MYLK: variants seen among roughly 807,000 people sequenced by gnomAD.
MYLK encodes myosin light chain kinase, also known as myosin light chain kinase, smooth muscle.
In MYLK, 106 loss-of-function variants were observed where a neutral mutation model predicts 203.4. That is an observed-to-expected ratio of 0.52 (90% CI 0.45 to 0.61). The LOEUF is 0.61. MYLK is among the 20% of genes least tolerant of loss of function. The probability of loss-of-function intolerance (pLI) is 0.00; values close to 1 mark genes in which losing one functional copy is unlikely to be tolerated. For missense variants in MYLK, 2,072 were observed against 2,442.3 expected (o/e 0.85, Z 3.20); for synonymous variants, 867 against 959.5 (o/e 0.90, Z 1.78).
intron 3 of MYLK, among the ~76,000 whole-genome samples, chr3:123,810,823 T>C (rs554401542): frequency 6.6e-6 from 1 of 152,366 alleles, no homozygotes; most frequent in East Asian, 1.9e-4. Flanking sequence ...TTCCAGGTTG[T>C]CTGCAGGGCA....
intron 21 of MYLK, 144 bp from the exon 22 acceptor site, chr3:123,666,490 G>A (rs2059739556): frequency 1.7e-6 from 2 of 1,160,286 alleles, no homozygotes; most frequent in Non-Finnish European, 1.2e-6. Context: ...CAGTGATCCT[G>A]CTGCAGGACA....
Position 123,732,996 on chromosome 3 carries a change from G to A in MYLK, c.1416C>T (p.Leu472=), listed in dbSNP as rs1173246419. 1.2e-6 allele frequency: 2 copies of A among 1,614,108 alleles called. No homozygotes were observed. Among genetic ancestry groups the A allele is most frequent in the Non-Finnish European group, 8.5e-7 (1 of 1,180,038 alleles). The part of the protein sequence containing the change: ...EVYEDAGSHY[L]CLLKARTRDS... ...CCCTGGTCCGGGCTTTCAGCAGGCA[G>A]AGGTAATGGGAGCCAGCATCTTCAT... Residue 472 remains leucine (L), a synonymous_variant, in exon 11 of 34, where the codon CTC becomes CTT. Transcript: ENST00000360304.
intron 23 of MYLK, among the ~76,000 whole-genome samples, chr3:123,660,402 A>G (rs905444861): frequency 1.3e-5 from 2 of 152,202 alleles, no homozygotes; most frequent in Non-Finnish European, 2.9e-5. Context: ...ATATGAAAAG[A>G]GACCTGCTTT....
chr3:123,628,163 T>G (rs1178017012), intron 30 of MYLK, among the ~76,000 whole-genome samples: 1 of 152,158 alleles, frequency 6.6e-6, no homozygotes, highest in African/African-American at 2.4e-5. Context: ...TAAAAAGATC[T>G]CATTGTCAAG....
At chr3:123,738,872 G>C (rs1399845634) in intron 7 of MYLK, 25 bp downstream of exon 7, 1 of 1,598,982 alleles carries the variant, frequency 6.3e-7, no homozygotes, top group African/African-American at 1.3e-5. Context: ...GGCTGGATCA[G>C]GGTCAGGGCA....
intron 13 of MYLK, among the ~76,000 whole-genome samples, chr3:123,712,945 A>G (rs2061752975): frequency 6.6e-6 from 1 of 152,274 alleles, no homozygotes; most frequent in African/African-American, 2.4e-5. Context: ...CAAAGAACCA[A>G]TGGAGTCTGG....
intron 16 of MYLK, among the ~76,000 whole-genome samples, chr3:123,703,825 C>T (rs1278466494): frequency 6.6e-6 from 1 of 152,224 alleles, no homozygotes; most frequent in Non-Finnish European, 1.5e-5. Flanking sequence ...GCCTGGCAGC[C>T]CTTTCAGCAT....
chr3:123,661,811 C>T (rs1198044640), intron 23 of MYLK, among the ~76,000 whole-genome samples: 1 of 152,170 alleles, frequency 6.6e-6, no homozygotes, highest in African/African-American at 2.4e-5. Flanking sequence ...TGAATTCCCT[C>T]TCCCGGGTCC....
chr3:123,879,140 A>G (rs2033350627), intron 1 of MYLK, among the ~76,000 whole-genome samples: 1 of 152,142 alleles, frequency 6.6e-6, no homozygotes, highest in Non-Finnish European at 1.5e-5. Context: ...CAGAAACCCA[A>G]AAGTCTTCTA....
intron 16 of MYLK, among the ~76,000 whole-genome samples, chr3:123,706,565 C>G (rs2061468655): frequency 1.3e-5 from 2 of 152,204 alleles, no homozygotes; most frequent in African/African-American, 4.8e-5. Context: ...CTTACACCAA[C>G]CCCAGGACCC....
chr3:123,811,835 T>C (rs1394064289), intron 3 of MYLK, among the ~76,000 whole-genome samples: 1 of 152,200 alleles, frequency 6.6e-6, no homozygotes, highest in Non-Finnish European at 1.5e-5. Flanking sequence ...CCCCTCCAGG[T>C]GTGATTGATT....
chr3:123,714,165 GC>G (rs1475946258), intron 13 of MYLK, among the ~76,000 whole-genome samples: 1 of 152,180 alleles, frequency 6.6e-6, no homozygotes, highest in African/African-American at 2.4e-5. Flanking sequence ...GAAGTATTGG[GC>G]AGATTGTGTC....
chr3:123,767,896 A>T (rs1355060921), intron 4 of MYLK, among the ~76,000 whole-genome samples: 1 of 152,206 alleles, frequency 6.6e-6, no homozygotes, highest in Non-Finnish European at 1.5e-5. Context: ...GCTTCGGGTT[A>T]GGAATTGGAA....
At chr3:123,655,883 A>G (rs892247887) in intron 24 of MYLK, among the ~76,000 whole-genome samples, 1 of 152,258 alleles carries the variant, frequency 6.6e-6, no homozygotes, top group Admixed American at 6.5e-5. Flanking sequence ...TGCTCAATAC[A>G]TGTTAGCCAT....
chr3:123,654,666 C>T (rs1323327596), intron 24 of MYLK, among the ~76,000 whole-genome samples: 1 of 151,982 alleles, frequency 6.6e-6, no homozygotes, highest in African/African-American at 2.4e-5. Flanking sequence ...GATGTCCCTC[C>T]ACCTTCTCCT....
Position 123,877,506 on chromosome 3 carries a change from C to T in MYLK, c.-185-889G>A, listed in dbSNP as rs190629852. Among the ~76,000 whole-genome samples the T allele has an allele frequency of 1.3e-4, 20 of 152,300 alleles. No individual in the cohort carries two copies. The East Asian group carries it at 3.9e-3, about 29-fold the overall frequency. On this transcript the variant is annotated intron_variant, in intron 1 of 33. Transcript: ENST00000360304. ...CTGCCTGGGATAATCAGCAGGCCCA[C>T]AGGGGAGGAGCTGAGTCCCTAGGTG...
At chr3:123,855,943 T>C (rs948078648) in intron 2 of MYLK, among the ~76,000 whole-genome samples, 7 of 152,110 alleles carry the variant, frequency 4.6e-5, no homozygotes, top group Non-Finnish European at 1.0e-4. Context: ...TAATATAATC[T>C]TTTCCACTCA....
intron 3 of MYLK, among the ~76,000 whole-genome samples, chr3:123,825,351 C>G (rs1206661620): frequency 6.6e-6 from 1 of 152,156 alleles, no homozygotes; most frequent in Non-Finnish European, 1.5e-5. Flanking sequence ...GCCACCCAAC[C>G]TCTGCAGATC....
chr3:123,781,289 G>A (rs2064288453), intron 4 of MYLK, among the ~76,000 whole-genome samples: 1 of 152,206 alleles, frequency 6.6e-6, no homozygotes, highest in Non-Finnish European at 1.5e-5. Context: ...GACTGAGGGA[G>A]GAGCTCTGGG....
Sources: allele counts gnomAD v4.1 joint callset (sites outside exome capture counted in the v4.1 genomes callset), GRCh38; gene constraint gnomAD v4.1.1; transcripts MANE v1.5; gene names NCBI Gene and HGNC (gene_info 2026-07-23, HGNC 2026-07-21).